ZNF254: variants seen among roughly 807,000 people sequenced by gnomAD.
ZNF254 encodes the protein zinc finger protein 254.
Under a neutral mutation model 12.4 loss-of-function variants are expected in ZNF254, and 10 were observed. The observed-to-expected ratio is 0.80, with a 90% CI of 0.50 to 1.36. ZNF254 has a LOEUF of 1.36. Ranked by LOEUF, ZNF254 falls within the 40% of genes most tolerant of loss-of-function variation. The pLI is 0.00. For missense variants in ZNF254, 996 were observed against 763.9 expected, an observed-to-expected ratio of 1.30 and a Z score of -3.58; for synonymous variants, 305 against 253.4, an observed-to-expected ratio of 1.20 and a Z score of -1.93.
Position 24,106,653 on chromosome 19 carries a change from A to T in ZNF254, c.253+10A>T, listed in dbSNP as rs146126501. 2.1e-4 allele frequency: 329 copies of T among 1,573,334 alleles called. No individual in the cohort carries two copies. The African/African-American group carries it at 3.9e-3, about 19-fold the overall frequency. Reference sequence around the variant, plus strand: ...GTGGATGAACCCCCAGGTAGGTGAGAGTGAATACAACAGATGACATGGATG... The same window carrying T: ...GTGGATGAACCCCCAGGTAGGTGAGTGTGAATACAACAGATGACATGGATG... On this transcript the variant is annotated intron_variant, in intron 3 of 3. Transcript: ENST00000357002.
At chr19:24,033,780 C>G (rs996657758) in intron 1 of ZNF254, among the ~76,000 whole-genome samples, 28 of 152,162 alleles carry the variant, frequency 1.8e-4, no homozygotes, top group African/African-American at 4.6e-4. Context: ...GGCCCGCAGC[C>G]GGGATCCCCG....
At chr19:24,122,259 C>G (rs891207181) in intron 3 of ZNF254, among the ~76,000 whole-genome samples, 1 of 151,900 alleles carries the variant, frequency 6.6e-6, no homozygotes, top group African/African-American at 2.4e-5. Flanking sequence ...GAGTCTTGCT[C>G]TGTCACCCAG....
intron 2 of ZNF254, among the ~76,000 whole-genome samples, chr19:24,058,375 A>G (rs1970940664): frequency 6.6e-6 from 1 of 151,556 alleles, no homozygotes. Flanking sequence ...CCTTGCATCC[A>G]GGTGATGGGA....
At chr19:24,076,947 A>G (rs1971680458) in intron 2 of ZNF254, among the ~76,000 whole-genome samples, 1 of 152,212 alleles carries the variant, frequency 6.6e-6, no homozygotes. Context: ...ATAAAAAGCT[A>G]CATACCTACC....
In ZNF254 at chr19:24,077,541, T is replaced by C. The variant is rs188462813; in HGVS notation, c.-93-28399T>C. On this transcript the variant is annotated intron_variant, in intron 2 of 4. Coordinates refer to the ZNF254 transcript ENST00000613065. ...AGATGGACAGGTGTGTACCTGAGAA[T>C]GCAGCACTGAGCTCCTGGGTGATGT... 2.9e-3 allele frequency among the ~76,000 whole-genome samples: 449 copies of C among 152,362 alleles called. 1 individual carries two copies. The highest frequency in any genetic ancestry group is 0.01 in the African/African-American group (434 of 41,602).
chr19:24,049,526 A>C (rs1171125308), intron 2 of ZNF254: 1 of 152,090 alleles, frequency 6.6e-6, no homozygotes, highest in Admixed American at 6.6e-5. Flanking sequence ...GGATTGTGAC[A>C]TATCGTTGGA....
intron 2 of ZNF254, among the ~76,000 whole-genome samples, chr19:24,069,794 T>C (rs1487806507): frequency 6.7e-6 from 1 of 149,294 alleles, no homozygotes; most frequent in African/African-American, 2.5e-5. Context: ...CTACTAAAAA[T>C]ACAAAAAATT....
Position 24,128,754 on chromosome 19 carries a change from G to A in ZNF254, c.*774G>A, listed in dbSNP as rs548139815. ...ATAATTCACAGTAGAAATATCTAGG[G>A]CATTCAAGCTTTAGACATTACACTA... is the stretch of plus-strand genomic sequence containing the variant. On this transcript the variant is annotated 3_prime_UTR_variant, in exon 4 of 4. Coordinates refer to ENST00000357002, the MANE Select transcript of ZNF254 (RefSeq NM_203282.4). 2.6e-5 allele frequency: 4 copies of A among 151,970 alleles called. No homozygotes were observed. Among genetic ancestry groups the A allele is most frequent in the African/African-American group, 9.7e-5 (4 of 41,420 alleles). The allele number at this position is 151,970 out of a possible 1,614,324, so 9.4% of individuals were successfully genotyped here.
At chr19:24,059,053 T>C (rs62114785) in intron 2 of ZNF254, among the ~76,000 whole-genome samples, 1 of 152,114 alleles carries the variant, frequency 6.6e-6, no homozygotes, top group Non-Finnish European at 1.5e-5. Flanking sequence ...GATTGTAACA[T>C]ACCGCTGGGC....
At chr19:24,097,381 G>T (rs1358757377) in intron 1 of ZNF254, among the ~76,000 whole-genome samples, 1 of 151,888 alleles carries the variant, frequency 6.6e-6, no homozygotes, top group Admixed American at 6.6e-5. Flanking sequence ...TCGTTTGCAG[G>T]CTGAATTATA....
chr19:24,107,463 GT>G (rs1032766571), intron 3 of ZNF254: 27 of 341,036 alleles, frequency 7.9e-5, no homozygotes, highest in Middle Eastern at 8.0e-4. Context: ...TTGTACATAA[GT>G]TTTTTTTTCC....
In ZNF254 at chr19:24,076,588, C is replaced by T. The variant is rs907670222; in HGVS notation, c.-93-29352C>T. Among the ~76,000 whole-genome samples the T allele has an allele frequency of 7.2e-5, 11 of 152,204 alleles. No individual in the cohort carries two copies. The East Asian group carries it at 1.2e-3, about 16-fold the overall frequency. The stretch of plus-strand genomic sequence containing the variant: ...ACCTCAACACTATTCAAGATGGAGT[C>T]GCTCTGGTTTGAATGCCTCTGACAT... On this transcript the variant is annotated intron_variant, in intron 2 of 4. Transcript: ENST00000613065.
At position 24,111,126 on chromosome 19, in the gene ZNF254, C is replaced by A. The variant is rs911911348; in HGVS notation, c.253+4483C>A. Among the ~76,000 whole-genome samples the A allele has an allele frequency of 6.1e-5, 8 of 130,842 alleles. No individual in the cohort carries two copies. The South Asian group carries it at 2.1e-3, about 34-fold the overall frequency. 85.8% of individuals were successfully genotyped at this position (130,842 alleles called of 152,430 possible). On this transcript the variant is annotated intron_variant, in intron 3 of 3. Transcript: ENST00000357002. ...CCTCCCCCCACCCCACAACAGTCCA[C>A]AGAGTGTGATGTTCCCCTTCCTGTG...
At chr19:24,102,915 A>G (rs1383277217) in intron 1 of ZNF254, among the ~76,000 whole-genome samples, 2 of 152,186 alleles carry the variant, frequency 1.3e-5, no homozygotes, top group African/African-American at 4.8e-5. Context: ...TAAACAGAAG[A>G]GGAAATAAAA....
upstream of ZNF254, among the ~76,000 whole-genome samples, chr19:24,085,427 A>ATATATATATATATATATATATATGT (rs1369362234): frequency 0.047 from 1,996 of 42,296 alleles, 182 homozygotes; most frequent in Non-Finnish European, 0.074. Context: ...TATATATATA[A>ATATATATATATATATATATATATGT]AAACTAAGAT....
rs1258650130 is a variant in ZNF254 at position 24,129,335 on chromosome 19, A to G, written c.*1355A>G. ...CTTTTCAATTCAACATTTTTAACAT[A>G]TTAAATACTATTGTGAATTCAATGA... On this transcript the variant is annotated 3_prime_UTR_variant, in exon 4 of 4. Transcript: ENST00000357002. 2 of 152,146 alleles carry G rather than the reference A, an allele frequency of 1.3e-5. No homozygotes were observed. The highest frequency in any genetic ancestry group is 2.9e-5 in the Non-Finnish European group (2 of 67,914). The allele number at this position is 152,146 out of a possible 1,614,324, so 9.4% of individuals were successfully genotyped here.
intron 1 of ZNF254, among the ~76,000 whole-genome samples, chr19:24,100,732 A>G (rs182533415): frequency 5.3e-5 from 8 of 151,806 alleles, no homozygotes; most frequent in Admixed American, 3.9e-4. Context: ...TGCTAATCAA[A>G]GTGCAAATTC....
At position 24,126,429 on chromosome 19, in the gene ZNF254, C is replaced by T. The variant is rs760006431; in HGVS notation, c.429C>T (p.Asn143=). 2 of 1,599,808 alleles carry T rather than the reference C, an allele frequency of 1.3e-6. No homozygotes were observed. The highest frequency in any genetic ancestry group is 1.7e-6 in the Non-Finnish European group (2 of 1,175,926). ...ACAAAGAAGGTTATAATGGACTTAA[C>T]CAGTGTTTCACAACTGCCCAGAGCA... The part of the protein sequence containing the change: ...KVNKEGYNGL[N]QCFTTAQSKV... Residue 143 remains asparagine, a synonymous_variant, in exon 4 of 4, where the codon AAC becomes AAT. Transcript: ENST00000357002.
At chr19:24,047,425 C>G (rs1358717288) in intron 2 of ZNF254, among the ~76,000 whole-genome samples, 1 of 151,440 alleles carries the variant, frequency 6.6e-6, no homozygotes, top group Non-Finnish European at 1.5e-5. Context: ...GCCATCATGC[C>G]TGGCTAAATT....
Sources: allele counts gnomAD v4.1 joint callset (sites outside exome capture counted in the v4.1 genomes callset), GRCh38; gene constraint gnomAD v4.1.1; transcripts MANE v1.5; gene names NCBI Gene and HGNC (gene_info 2026-07-23, HGNC 2026-07-21).